ZYX: variants seen among roughly 807,000 people sequenced by gnomAD.
ZYX encodes the protein zyxin-2.
In ZYX, 37 loss-of-function variants were observed where a neutral mutation model predicts 58.1. The ratio of observed to expected loss-of-function variants is 0.64; its 90% CI spans 0.49 to 0.84. The LOEUF is 0.84. ZYX is among the 40% of genes least tolerant of loss of function. ZYX has a pLI of 0.00. For missense variants in ZYX, 762 were observed against 761.6 expected (o/e 1.00, Z -0.01); for synonymous variants, 324 against 321.1 (o/e 1.01, Z -0.10).
intron 1 of ZYX, 72 bp downstream of exon 1, chr7:143,381,481 G>A (rs1804571385): frequency 1.4e-6 from 2 of 1,397,516 alleles, no homozygotes; most frequent in Non-Finnish European, 1.9e-6. Flanking sequence ...GCGAGTGGGG[G>A]TCACCAAGGG....
In ZYX at chr7:143,387,221, G is replaced by A. The variant is rs963278420; in HGVS notation, c.1024-998G>A. On this transcript the variant is annotated intron_variant, in intron 5 of 9. Transcript: ENST00000322764. This position sits in a 1 kb window ranked among gnomAD's most constrained non-coding sequence, Gnocchi z 5.8. ...GCATGCTTCACTGGGCAGAAAGGAC[G>A]CAACTCTGGGTACAGATGGGGGTCG... 4.6e-5 allele frequency among the ~76,000 whole-genome samples: 7 copies of A among 152,208 alleles called. No individual in the cohort carries two copies. In the South Asian group the frequency reaches 1.5e-3, roughly 32 times the overall value.
Position 143,383,279 on chromosome 7 carries a change from A to C in ZYX, c.980A>C (p.Glu327Ala). The C allele has an allele frequency of 6.2e-7, 1 of 1,613,224 alleles. No homozygotes were observed. Among genetic ancestry groups the C allele is most frequent in the Non-Finnish European group, 8.5e-7 (1 of 1,179,820 alleles). Residue 327 changes from glutamate (E) to alanine (A), a missense_variant, in exon 5 of 10, where the codon GAG (glutamate) becomes GCG (alanine). Glu to Ala is a moderately radical substitution (Grantham distance 107). Coordinates refer to ENST00000322764, the MANE Select transcript of ZYX (RefSeq NM_003461.5). The part of the protein sequence containing the change: ...AQQREKPRVQ[E>A]KQHPVPPPAQ... ...CAGAGGGAGAAGCCCCGAGTGCAGG[A>C]GAAGCAGCACCCCGTGCCCCCACCG...
In ZYX at chr7:143,382,234, C is replaced by T. The variant is rs767368635; in HGVS notation, c.209-14C>T. 2.2e-5 allele frequency: 36 copies of T among 1,610,478 alleles called. No individual in the cohort carries two copies. The South Asian group carries it at 3.3e-4, about 15-fold the overall frequency. On this transcript the variant is annotated splice_polypyrimidine_tract_variant and intron_variant, in intron 2 of 9. Transcript: ENST00000322764. Reference sequence around the variant, plus strand: ...GAGGGACCCCGGCCGACGTCTTTCTCCTTCCTACCCCAGACTTTCCCCTGC... The same window carrying T: ...GAGGGACCCCGGCCGACGTCTTTCTTCTTCCTACCCCAGACTTTCCCCTGC...
At position 143,390,669 on chromosome 7, in the gene ZYX, G is replaced by A. The variant is rs1805037757; in HGVS notation, c.1706G>A (p.Arg569Lys). 3 of 1,580,458 alleles carry A rather than the reference G, an allele frequency of 1.9e-6. No homozygotes were observed. The African/African-American group carries it at 4.0e-5, about 21-fold the overall frequency. The stretch of plus-strand genomic sequence containing the variant: ...CTCTGTCGGAAGTGCCACACTGCTA[G>A]AGCCCAGACCTGAGTGAGGACAGGC... ...HVLCRKCHTA[R>K]AQT The change falls in exon 10 of 10, where the codon AGA becomes AAA. Residue 569 changes from arginine to lysine, a missense_variant. Physicochemically the swap from Arg to Lys is conservative, Grantham distance 26 (BLOSUM62 2). Coordinates refer to ENST00000322764, the MANE Select transcript of ZYX (RefSeq NM_003461.5). The surrounding 1 kb of genome is among the most constrained non-coding windows in gnomAD (Gnocchi z 4.3).
rs1804945053 is a variant in ZYX, at chr7:143,388,428, T to A, written c.1145-61T>A. The stretch of plus-strand genomic sequence containing the variant: ...GGCTCCACTCCCTATCTGAGCTGGC[T>A]GATCCCTCGCAGCTCTACATACTTC... On this transcript the variant is annotated intron_variant, in intron 6 of 9. Coordinates refer to ENST00000322764, the MANE Select transcript of ZYX (RefSeq NM_003461.5). This position sits in a 1 kb window ranked among gnomAD's most constrained non-coding sequence, Gnocchi z 7.5. 6 of 1,604,832 alleles carry A rather than the reference T, an allele frequency of 3.7e-6. No individual in the cohort carries two copies. Among genetic ancestry groups the A allele is most frequent in the South Asian group, 1.1e-5 (1 of 90,570 alleles).
chr7:143,390,319 A>C lies in ZYX; in HGVS notation c.1615-259A>C. 1.8e-6 allele frequency: 1 copy of C among 560,274 alleles called. No homozygotes were observed. Among genetic ancestry groups the C allele is most frequent in the Non-Finnish European group, 3.2e-6 (1 of 312,168 alleles). 34.7% of individuals were successfully genotyped at this position (560,274 alleles called of 1,614,324 possible). ...ATGGAGGTGAGCCAACCTCTATTTT[A>C]TTAGGGTGGTGGTGGGCAGGGGAGC... On this transcript the variant is annotated intron_variant, in intron 9 of 9. Transcript: ENST00000322764. This position sits in a 1 kb window ranked among gnomAD's most constrained non-coding sequence, Gnocchi z 4.3.
At chr7:143,386,856 G>A (rs1180389399) in intron 5 of ZYX, among the ~76,000 whole-genome samples, 1 of 152,182 alleles carries the variant, frequency 6.6e-6, no homozygotes, top group African/African-American at 2.4e-5. Context: ...GAGATGGACG[G>A]AAGTTTGGTT....
Position 143,387,890 on chromosome 7 carries a change from C to T in ZYX, c.1024-329C>T, listed in dbSNP as rs1051065968. 7 of 501,970 alleles carry T rather than the reference C, an allele frequency of 1.4e-5. No individual in the cohort carries two copies. The highest frequency in any genetic ancestry group is 1.9e-5 in the African/African-American group (1 of 51,678). 31.1% of individuals were successfully genotyped at this position (501,970 alleles called of 1,614,324 possible). A position where few individuals can be genotyped will look rare whatever the true frequency, so the allele number is the denominator to read the frequency against. ...AGTTGATGCGTGGCCCTGGAGTGTCCGGTGCTTCAGTGACCCGAGCTGCTG... is the reference window on the plus strand; with the variant it reads ...AGTTGATGCGTGGCCCTGGAGTGTCTGGTGCTTCAGTGACCCGAGCTGCTG... On this transcript the variant is annotated intron_variant, in intron 5 of 9. Coordinates refer to ENST00000322764, the MANE Select transcript of ZYX (RefSeq NM_003461.5). This position sits in a 1 kb window ranked among gnomAD's most constrained non-coding sequence, Gnocchi z 5.8.
intron 4 of ZYX, 51 bp from the exon 5 acceptor site, chr7:143,382,750 A>G: frequency 1.2e-6 from 2 of 1,613,430 alleles, no homozygotes; most frequent in Non-Finnish European, 8.5e-7. Flanking sequence ...AGAACTAAGG[A>G]GGATGGTGTC....
Position 143,390,733 on chromosome 7 carries a change from C to T in ZYX, c.*51C>T. The T allele has an allele frequency of 3.6e-6, 5 of 1,375,188 alleles. No homozygotes were observed. Among genetic ancestry groups the T allele is most frequent in the East Asian group, 2.5e-5 (1 of 40,170 alleles). The allele number at this position is 1,375,188 out of a possible 1,614,324, so 85.2% of individuals were successfully genotyped here. A position where few individuals can be genotyped will look rare whatever the true frequency, so the allele number is the denominator to read the frequency against. On this transcript the variant is annotated 3_prime_UTR_variant, in exon 10 of 10. Transcript: ENST00000322764. The surrounding 1 kb of genome is among the most constrained non-coding windows in gnomAD (Gnocchi z 4.3). ...CAGTCCATGCCCCATTGTGGACCAC[C>T]CACACTGAGACCACCTGCCCCCACC... is the stretch of plus-strand genomic sequence containing the variant.
rs188643297 is a variant in ZYX at position 143,381,700 on chromosome 7, C to T, written c.129C>T (p.Asp43=). 9.6e-4 allele frequency: 1,540 copies of T among 1,605,438 alleles called. 2 individuals carry two copies. The highest frequency in any genetic ancestry group is 1.4e-3 in the Admixed American group (82 of 59,550). ...AAGTGAATCCCTTCCGGCCCGGGGA[C>T]AGCGAGCCTCCCCCGGCACCCGGGG... The part of the protein sequence containing the change: ...KPKVNPFRPG[D]SEPPPAPGAQ... Residue 43 remains aspartate, a synonymous_variant, in exon 2 of 10, where the codon GAC becomes GAT. Coordinates refer to ENST00000322764, the MANE Select transcript of ZYX (RefSeq NM_003461.5).
chr7:143,382,375 G>A lies in ZYX; in HGVS notation c.336G>A (p.Glu112=). 6.3e-7 allele frequency: 1 copy of A among 1,586,982 alleles called. No homozygotes were observed. Among genetic ancestry groups the A allele is most frequent in the South Asian group, 1.1e-5 (1 of 88,940 alleles). Residue 112 remains glutamate (E), a synonymous_variant, in exon 3 of 10, where the codon GAG becomes GAA. Coordinates refer to ENST00000322764, the MANE Select transcript of ZYX (RefSeq NM_003461.5). Reference sequence around the variant, plus strand: ...TTCCCCCTGCGCCTCTGGAGGAGGAGATCTTCCCTTCCCCGCCGCCTCCTC... The same window carrying A: ...TTCCCCCTGCGCCTCTGGAGGAGGAAATCTTCCCTTCCCCGCCGCCTCCTC... ...ESFPPAPLEE[E]IFPSPPPPPE... is the part of the protein sequence containing the mutation.
intron 5 of ZYX, among the ~76,000 whole-genome samples, chr7:143,383,781 G>C (rs970817917): frequency 2.0e-5 from 3 of 152,190 alleles, no homozygotes; most frequent in African/African-American, 4.8e-5. Context: ...CATCCACCAC[G>C]TGCCAGGCAC....
chr7:143,386,477 G>A (rs1051925200), intron 5 of ZYX, among the ~76,000 whole-genome samples: 3 of 152,072 alleles, frequency 2.0e-5, no homozygotes, highest in African/African-American at 7.2e-5. Flanking sequence ...TGGGCTGGAG[G>A]TCGCGCGGGT....
In ZYX at chr7:143,390,040, T is replaced by C. The variant is rs1048264276; in HGVS notation, c.1614+63T>C. 3.8e-6 allele frequency: 6 copies of C among 1,594,944 alleles called. No homozygotes were observed. In the African/African-American group the frequency reaches 8.0e-5, roughly 21 times the overall value. ...CCAGGAGGTGGCGGGAGATGCTGCT[T>C]ACTAACTGGGAGGTGGAAAGCACCA... On this transcript the variant is annotated intron_variant, in intron 9 of 9. Transcript: ENST00000322764. This position sits in a 1 kb window ranked among gnomAD's most constrained non-coding sequence, Gnocchi z 4.3.
At position 143,381,734 on chromosome 7, in the gene ZYX, G is replaced by T; in HGVS notation, c.163G>T (p.Ala55Ser). 6.3e-7 allele frequency: 1 copy of T among 1,596,384 alleles called. No individual in the cohort carries two copies. Among genetic ancestry groups the T allele is most frequent in the Non-Finnish European group, 8.5e-7 (1 of 1,172,118 alleles). ...EPPPAPGAQRAQMGRVGEIPP... is the reference protein window; with the variant it reads ...EPPPAPGAQRSQMGRVGEIPP... The stretch of plus-strand genomic sequence containing the variant: ...TCCCCCGGCACCCGGGGCCCAGCGC[G>T]CACAGATGGGCCGGGTGGGCGAGAT... The change falls in exon 2 of 10, where the codon GCA becomes TCA. Residue 55 changes from alanine to serine, a missense_variant. Physicochemically the swap from Ala to Ser is moderately conservative, Grantham distance 99. Transcript: ENST00000322764.
At position 143,381,426 on chromosome 7, in the gene ZYX, G is replaced by C; in HGVS notation, c.-16+17G>C. ...CGGCCTGCGGTGAGGCGCGGGGAGC[G>C]GCAGGGCGGCCCCACGGGGAGGGGG... On this transcript the variant is annotated intron_variant, in intron 1 of 9. Coordinates refer to ENST00000322764, the MANE Select transcript of ZYX (RefSeq NM_003461.5). 2 of 1,255,724 alleles carry C rather than the reference G, an allele frequency of 1.6e-6. No individual in the cohort carries two copies. Among genetic ancestry groups the C allele is most frequent in the Non-Finnish European group, 2.0e-6 (2 of 1,000,052 alleles). 77.8% of individuals were successfully genotyped at this position (1,255,724 alleles called of 1,614,324 possible).
chr7:143,390,005 C>T lies in ZYX; in HGVS notation c.1614+28C>T, dbSNP rs745639213. On this transcript the variant is annotated intron_variant, in intron 9 of 9. Transcript: ENST00000322764. This position sits in a 1 kb window ranked among gnomAD's most constrained non-coding sequence, Gnocchi z 4.3. ...CAGCCATCCCTCTGGACTCCTTGGG[C>T]AGGTTCTGACCAGGAGGTGGCGGGA... The T allele has an allele frequency of 1.9e-6, 3 of 1,612,462 alleles. No homozygotes were observed. Among genetic ancestry groups the T allele is most frequent in the Admixed American group, 1.7e-5 (1 of 59,938 alleles).
rs1804624668 is a variant in ZYX at position 143,382,055 on chromosome 7, C to T, written c.209-193C>T. 1.1e-5 allele frequency: 7 copies of T among 612,790 alleles called. No individual in the cohort carries two copies. In the East Asian group the frequency reaches 2.0e-4, roughly 18 times the overall value. 38.0% of individuals were successfully genotyped at this position (612,790 alleles called of 1,614,324 possible). ...TTTCCGAAGTGTAACGGGAGCTGCA[C>T]CACTCCTCGGCAGTGCGCCCGGCCT... On this transcript the variant is annotated intron_variant, in intron 2 of 9. Transcript: ENST00000322764.
Sources: gnomAD v4.1 joint callset for allele counts (sites outside exome capture counted in the v4.1 genomes callset) on GRCh38, gnomAD v4.1.1 for gene constraint, Gnocchi (gnomAD v3.1) non-coding constraint, MANE v1.5 for transcripts, NCBI Gene and HGNC (gene_info 2026-07-23, HGNC 2026-07-21) for gene names.